MACF1: variants seen among roughly 807,000 people sequenced by gnomAD.
The protein encoded by MACF1 is microtubule actin crosslinking factor 1.
In MACF1, 193 loss-of-function variants were observed where a neutral mutation model predicts 854.8. That is an observed-to-expected ratio of 0.23 (90% CI 0.20 to 0.25). MACF1 has a LOEUF of 0.25. Among genes scored for constraint, MACF1 ranks in the 10% least tolerant of loss-of-function variants. The probability of loss-of-function intolerance (pLI) is 1.00; values close to 1 mark genes in which losing one functional copy is unlikely to be tolerated. For synonymous variants in MACF1, 3,185 were observed against 3,226.7 expected, an observed-to-expected ratio of 0.99 and a Z score of 0.44; for missense variants, 7,722 against 8,929.1, an observed-to-expected ratio of 0.86 and a Z score of 5.45.
At chr1:39,238,256 C>T (rs528348506) in intron 2 of MACF1, among the ~76,000 whole-genome samples, 5 of 152,274 alleles carry the variant, frequency 3.3e-5, no homozygotes, top group East Asian at 3.9e-4. Flanking sequence ...ATCTGGGGAC[C>T]TGTGCCTGTG....
chr1:39,470,976 C>A (rs527395016), intron 97 of MACF1, among the ~76,000 whole-genome samples: 6 of 152,250 alleles, frequency 3.9e-5, no homozygotes, highest in African/African-American at 1.4e-4. Context: ...AAATTTGGAA[C>A]CCCAAGGAAA....
chr1:39,144,656 CT>C (rs56164405), intron 2 of MACF1, among the ~76,000 whole-genome samples: 88 of 146,596 alleles, frequency 6.0e-4, no homozygotes, highest in African/African-American at 2.1e-3. Context: ...CAATTTTGGT[CT>C]TTTTTTTTTT....
chr1:39,480,092 T>A, intron 98 of MACF1, 83 bp downstream of exon 98: 1 of 1,251,802 alleles, frequency 8.0e-7, no homozygotes, highest in East Asian at 2.4e-5. Flanking sequence ...TCTGAAAGAC[T>A]CCAGTGAGGA....
rs1263538776 is a variant in MACF1 at position 39,433,058 on chromosome 1, T to C, written c.17468T>C (p.Ile5823Thr). 4.4e-6 allele frequency: 7 copies of C among 1,607,654 alleles called. No individual in the cohort carries two copies. In the South Asian group the frequency reaches 6.6e-5, roughly 15 times the overall value. ...GTTTACTTTTCAAAGGCTTTCTCCA[T>C]TGACATTATTCGACACAAAGATTCA... Reference protein sequence around the residue: ...AQLQVQKAFSIDIIRHKDSMD... With the variant: ...AQLQVQKAFSTDIIRHKDSMD... The change falls in exon 68 of 101, where the codon ATT becomes ACT. Residue 5823 changes from isoleucine (I) to threonine (T), a missense_variant. Physicochemically the swap from Ile to Thr is moderately conservative, Grantham distance 89. Around this residue, in one of 15 missense-constraint regions of MACF1, gnomAD observed 2,807 missense variants for 3,235.8 expected, o/e 0.87. Coordinates refer to ENST00000564288, the MANE Select transcript of MACF1 (RefSeq NM_001394062.1).
intron 23 of MACF1, among the ~76,000 whole-genome samples, chr1:39,307,855 A>G (rs1646215458): frequency 6.8e-6 from 1 of 147,424 alleles, no homozygotes; most frequent in South Asian, 2.1e-4. Flanking sequence ...TATAGGCATG[A>G]GCCACCTTGC....
At chr1:39,231,270 C>CA in intron 2 of MACF1, 27 bp downstream of exon 2, 1 of 1,595,830 alleles carries the variant, frequency 6.3e-7, no homozygotes, top group Non-Finnish European at 8.6e-7. Context: ...TATATGCTGC[C>CA]CCAGCACCTC....
intron 2 of MACF1, among the ~76,000 whole-genome samples, chr1:39,235,814 A>G (rs1644854724): frequency 6.6e-6 from 1 of 152,200 alleles, no homozygotes; most frequent in Non-Finnish European, 1.5e-5. Flanking sequence ...AGCTCACTAC[A>G]GCCTCCAACT....
chr1:39,252,180 T>C (rs1324769682), intron 4 of MACF1, among the ~76,000 whole-genome samples: 1 of 152,198 alleles, frequency 6.6e-6, no homozygotes, highest in East Asian at 1.9e-4. Flanking sequence ...ACAAAAAGAA[T>C]AATGGTTTTT....
intron 58 of MACF1, among the ~76,000 whole-genome samples, chr1:39,405,966 CAG>C (rs1197412668): frequency 1.3e-5 from 2 of 151,792 alleles, no homozygotes; most frequent in Admixed American, 6.6e-5. Context: ...TGGCTATTGG[CAG>C]AGTTTCACAT....
At chr1:39,176,261 G>C (rs892706489) in intron 2 of MACF1, among the ~76,000 whole-genome samples, 11 of 141,756 alleles carry the variant, frequency 7.8e-5, no homozygotes, top group Non-Finnish European at 6.1e-5. Context: ...CTGAGTGGCA[G>C]AGTGAGACTC....
intron 2 of MACF1, among the ~76,000 whole-genome samples, chr1:39,237,755 C>T (rs528884309): frequency 1.7e-3 from 258 of 150,636 alleles, no homozygotes; most frequent in African/African-American, 5.7e-3. Flanking sequence ...ATTAATTAAA[C>T]GTAAGGTAAA....
At chr1:39,153,571 G>A (rs1424074674) in intron 2 of MACF1, among the ~76,000 whole-genome samples, 2 of 152,198 alleles carry the variant, frequency 1.3e-5, no homozygotes, top group Non-Finnish European at 2.9e-5. Flanking sequence ...GGGCCGTGAA[G>A]CATAGGTCTA....
intron 58 of MACF1, chr1:39,414,674 T>C: frequency 1.3e-6 from 1 of 791,972 alleles, no homozygotes; most frequent in Non-Finnish European, 1.9e-6. Context: ...CTTTATAATT[T>C]CATGCTTCGT....
chr1:39,477,478 C>T (rs1336650753), intron 97 of MACF1, among the ~76,000 whole-genome samples: 1 of 152,124 alleles, frequency 6.6e-6, no homozygotes, highest in Non-Finnish European at 1.5e-5. Context: ...CCTCCTCAGC[C>T]TCCCAAAGTG....
At chr1:39,424,237 T>A in intron 61 of MACF1, 43 bp downstream of exon 61, 1 of 1,558,578 alleles carries the variant, frequency 6.4e-7, no homozygotes, top group Non-Finnish European at 8.8e-7. Context: ...GAGGTTTGTT[T>A]TGTTCTTCTT....
chr1:39,099,177 T>C (rs928049519), intron 2 of MACF1, among the ~76,000 whole-genome samples: 7 of 152,174 alleles, frequency 4.6e-5, no homozygotes, highest in Non-Finnish European at 1.0e-4. Context: ...TTTTTTGAGA[T>C]GGAGTTTTGC....
chr1:39,197,845 C>T (rs1644339414), intron 2 of MACF1, among the ~76,000 whole-genome samples: 1 of 152,098 alleles, frequency 6.6e-6, no homozygotes, highest in African/African-American at 2.4e-5. Flanking sequence ...ATGATCACAC[C>T]ACTGCATTCT....
intron 2 of MACF1, among the ~76,000 whole-genome samples, chr1:39,153,411 T>C (rs1159274746): frequency 6.6e-6 from 1 of 152,188 alleles, no homozygotes; most frequent in Non-Finnish European, 1.5e-5. Flanking sequence ...TTTGATCTCT[T>C]AGTATTACAT....
In MACF1 at chr1:39,271,649, T is replaced by G. The variant is rs532949869; in HGVS notation, c.529-10559T>G. Among the ~76,000 whole-genome samples the G allele has an allele frequency of 1.7e-4, 26 of 152,316 alleles. 1 individual carries two copies. Among genetic ancestry groups the G allele is most frequent in the African/African-American group, 6.3e-4 (26 of 41,584 alleles). ...TAGAGTAGTTGGGGGTAAAACCAGC[T>G]GTGGAACTGATTGTTGTACAACTGG... On this transcript the variant is annotated intron_variant, in intron 6 of 100. Coordinates refer to ENST00000564288, the MANE Select transcript of MACF1 (RefSeq NM_001394062.1).
Sources: gnomAD v4.1 joint callset for allele counts (sites outside exome capture counted in the v4.1 genomes callset) on GRCh38, gnomAD v4.1.1 for gene constraint, gnomAD v4.1.1 regional missense constraint, MANE v1.5 for transcripts, NCBI Gene and HGNC (gene_info 2026-07-23, HGNC 2026-07-21) for gene names.